JAZF1: variants seen among roughly 807,000 people sequenced by gnomAD.
The protein encoded by JAZF1 is JAZF zinc finger 1.
JAZF1 carries 8 observed loss-of-function variants against 26.4 expected under a neutral mutation model. The ratio of observed to expected loss-of-function variants is 0.30; its 90% CI spans 0.18 to 0.55. JAZF1 has a LOEUF of 0.55. Ranked by LOEUF, JAZF1 falls within the 20% of genes least tolerant of loss-of-function variation. The probability of loss-of-function intolerance (pLI) is 0.94; values close to 1 mark genes in which losing one functional copy is unlikely to be tolerated. For synonymous variants in JAZF1, 126 were observed against 122.3 expected (o/e 1.03, Z -0.20); for missense variants, 199 against 322.0 (o/e 0.62, Z 2.92).
intron 1 of JAZF1, among the ~76,000 whole-genome samples, chr7:28,113,368 CCT>C (rs1424416509): frequency 6.6e-6 from 1 of 152,176 alleles, no homozygotes; most frequent in Non-Finnish European, 1.5e-5. Flanking sequence ...CTGCTCCTGT[CCT>C]CTCTCCCTGG....
In JAZF1 at chr7:27,958,851, G is replaced by C. The variant is rs139429623; in HGVS notation, c.188+33058C>G. Among the ~76,000 whole-genome samples, 12 of 152,296 alleles carry C rather than the reference G, an allele frequency of 7.9e-5. No homozygotes were observed. The East Asian group carries it at 1.7e-3, about 22-fold the overall frequency. Reference sequence around the variant, plus strand: ...AAAGAAGAATGGATGACAATGGGGAGGGCAGAAGGAGACAAGCAGGGAAGG... The same window carrying C: ...AAAGAAGAATGGATGACAATGGGGACGGCAGAAGGAGACAAGCAGGGAAGG... On this transcript the variant is annotated intron_variant, in intron 2 of 4. Transcript: ENST00000283928.
chr7:28,071,629 C>T (rs772262500), intron 1 of JAZF1: 9 of 471,848 alleles, frequency 1.9e-5, no homozygotes, highest in South Asian at 1.4e-4. Flanking sequence ...ATTTGCCACC[C>T]ACATACAGAC....
chr7:28,166,121 T>C (rs976614224), intron 1 of JAZF1, among the ~76,000 whole-genome samples: 3 of 151,874 alleles, frequency 2.0e-5, no homozygotes, highest in South Asian at 2.1e-4. Flanking sequence ...TACATATATA[T>C]ATATATAAAA....
intron 1 of JAZF1, among the ~76,000 whole-genome samples, chr7:28,066,367 G>A (rs1783882399): frequency 6.6e-6 from 1 of 152,082 alleles, no homozygotes; most frequent in Admixed American, 6.5e-5. Flanking sequence ...ACTTTGGGAG[G>A]CTGAGGCAGG....
At chr7:28,111,660 C>T (rs147525145) in intron 1 of JAZF1, among the ~76,000 whole-genome samples, 2 of 152,308 alleles carry the variant, frequency 1.3e-5, no homozygotes, top group African/African-American at 4.8e-5. Flanking sequence ...TCAAAAAGTG[C>T]TCTGTAAGTA....
At chr7:27,916,420 T>C (rs1291418069) in intron 2 of JAZF1, among the ~76,000 whole-genome samples, 1 of 152,142 alleles carries the variant, frequency 6.6e-6, no homozygotes, top group African/African-American at 2.4e-5. Flanking sequence ...CAAGGTTAGG[T>C]TCCTGCAAGC....
intron 3 of JAZF1, among the ~76,000 whole-genome samples, chr7:27,886,150 G>A (rs544952746): frequency 2.6e-4 from 40 of 152,282 alleles, no homozygotes; most frequent in Non-Finnish European, 3.7e-4. Flanking sequence ...CACAGCAGTT[G>A]TTCCTGGCCC....
intron 1 of JAZF1, among the ~76,000 whole-genome samples, chr7:28,140,525 C>T (rs1173222534): frequency 6.6e-6 from 1 of 150,550 alleles, no homozygotes; most frequent in Non-Finnish European, 1.5e-5. Context: ...TGCCACCCCT[C>T]ACCCCAAACC....
intron 1 of JAZF1, among the ~76,000 whole-genome samples, chr7:28,012,221 G>A (rs911349031): frequency 3.3e-5 from 5 of 152,180 alleles, no homozygotes; most frequent in East Asian, 3.9e-4. Flanking sequence ...TTCATTCACC[G>A]TGTCAAAAAA....
intron 3 of JAZF1, among the ~76,000 whole-genome samples, chr7:27,857,139 G>A (rs1783279119): frequency 6.6e-6 from 1 of 152,234 alleles, no homozygotes; most frequent in African/African-American, 2.4e-5. Context: ...GGCCGCGCAG[G>A]AGCCCATGGG....
At chr7:28,013,842 A>G (rs1320284150) in intron 1 of JAZF1, among the ~76,000 whole-genome samples, 3 of 152,162 alleles carry the variant, frequency 2.0e-5, no homozygotes, top group Non-Finnish European at 4.4e-5. Context: ...TGGCTTAAGT[A>G]TATGAATTAT....
intron 2 of JAZF1, among the ~76,000 whole-genome samples, chr7:27,972,244 G>A (rs117929884): frequency 0.013 from 1,978 of 152,320 alleles, 20 homozygotes; most frequent in Non-Finnish European, 0.021. Context: ...CTGTTTAAAG[G>A]AGGGAAGCCC....
At chr7:28,081,417 G>C (rs1036739649) in intron 1 of JAZF1, among the ~76,000 whole-genome samples, 3 of 152,126 alleles carry the variant, frequency 2.0e-5, no homozygotes, top group African/African-American at 7.2e-5. Context: ...CAGCACTTCG[G>C]GGCACCAGAT....
At chr7:27,924,719 G>A (rs974955213) in intron 2 of JAZF1, among the ~76,000 whole-genome samples, 1 of 152,190 alleles carries the variant, frequency 6.6e-6, no homozygotes, top group Non-Finnish European at 1.5e-5. Flanking sequence ...TCATATGAAG[G>A]TACCTAGAAA....
intron 2 of JAZF1, among the ~76,000 whole-genome samples, chr7:27,935,974 G>A (rs1452911504): frequency 6.6e-6 from 1 of 152,182 alleles, no homozygotes. Flanking sequence ...CCAGTGAAGA[G>A]GGTGCTCACT....
intron 1 of JAZF1, among the ~76,000 whole-genome samples, chr7:28,125,845 T>G (rs1400381590): frequency 6.6e-6 from 1 of 152,156 alleles, no homozygotes; most frequent in Non-Finnish European, 1.5e-5. Context: ...TGGTTTCTCA[T>G]CAGTGCTAAA....
chr7:27,930,878 A>G (rs1037377664), intron 2 of JAZF1, among the ~76,000 whole-genome samples: 4 of 152,210 alleles, frequency 2.6e-5, no homozygotes, highest in African/African-American at 9.7e-5. Context: ...TATGCTAAAT[A>G]TAACACAGCC....
intron 1 of JAZF1, among the ~76,000 whole-genome samples, chr7:28,124,202 C>A (rs1782658635): frequency 6.6e-6 from 1 of 152,104 alleles, no homozygotes; most frequent in African/African-American, 2.4e-5. Flanking sequence ...CACAGAGAGA[C>A]CCCAGGAGTG....
intron 2 of JAZF1, among the ~76,000 whole-genome samples, chr7:27,901,062 G>A (rs1261466958): frequency 2.0e-5 from 3 of 150,436 alleles, no homozygotes; most frequent in Admixed American, 6.6e-5. Context: ...TTTTCTACAC[G>A]TAGAGAACAC....
Sources: allele counts gnomAD v4.1 joint callset (sites outside exome capture counted in the v4.1 genomes callset), GRCh38; gene constraint gnomAD v4.1.1; transcripts MANE v1.5; gene names NCBI Gene and HGNC (gene_info 2026-07-23, HGNC 2026-07-21).